The following PARL variants were observed in gnomAD, a reference collection of about 807,000 sequenced individuals.
PARL encodes the protein presenilin-associated rhomboid-like protein, mitochondrial.
In PARL, 44 loss-of-function variants were observed where a neutral mutation model predicts 51.6. That is an observed-to-expected ratio of 0.85 (90% CI 0.67 to 1.10). The LOEUF is 1.10. Among genes scored for constraint, PARL ranks in the 50% least tolerant of loss-of-function variants. PARL has a pLI of 0.00. For missense variants in PARL, 441 were observed against 469.5 expected (o/e 0.94, Z 0.56); for synonymous variants, 172 against 164.0 (o/e 1.05, Z -0.37).
intron 1 of PARL, among the ~76,000 whole-genome samples, chr3:183,881,632 C>T (rs921533355): frequency 6.6e-6 from 1 of 152,170 alleles, no homozygotes; most frequent in Admixed American, 6.5e-5. Flanking sequence ...GTAGTGTGTA[C>T]CTGTAGTCCT....
chr3:183,884,582 G>A (rs1340287823), intron 1 of PARL, 140 bp downstream of exon 1: 8 of 803,086 alleles, frequency 1.0e-5, no homozygotes, highest in East Asian at 5.4e-5. Context: ...GGAGGCGAGA[G>A]AGGAGAGAGA....
At chr3:183,866,124 C>T (rs1199281935) in intron 3 of PARL, among the ~76,000 whole-genome samples, 1 of 152,124 alleles carries the variant, frequency 6.6e-6, no homozygotes, top group African/African-American at 2.4e-5. Flanking sequence ...CTTGGCCTCC[C>T]AAAGTGCTAG....
At chr3:183,874,698 C>G (rs1350258158) in intron 1 of PARL, among the ~76,000 whole-genome samples, 2 of 152,134 alleles carry the variant, frequency 1.3e-5, no homozygotes, top group Non-Finnish European at 2.9e-5. Context: ...AATAATTAAG[C>G]TTAGTGAAGA....
At chr3:183,883,666 G>A (rs1734806077) in intron 1 of PARL, 1 of 985,058 alleles carries the variant, frequency 1.0e-6, no homozygotes, top group African/African-American at 1.7e-5. Flanking sequence ...AGGAGTTTAA[G>A]ATTAGTGCCT....
rs752610316 is a variant in PARL, at chr3:183,866,738, C to T, written c.349G>A (p.Ala117Thr). The change falls in exon 3 of 10, where the codon GCT (alanine) becomes ACT (threonine). Residue 117 changes from alanine (A) to threonine (T), a missense_variant. By Grantham distance (58) the Ala-to-Thr change is moderately conservative. Transcript: ENST00000317096. Reference protein sequence around the residue: ...GFTGCAFGSAAIWQYESLKSR... With the variant: ...GFTGCAFGSATIWQYESLKSR... Reference sequence around the variant, plus strand: ...TTCAGTGATTCATATTGCCAAATAGCAGCTGATCCAAATGCACAGCCTGTA... The same window carrying T: ...TTCAGTGATTCATATTGCCAAATAGTAGCTGATCCAAATGCACAGCCTGTA... 1.2e-6 allele frequency: 2 copies of T among 1,607,668 alleles called. No individual in the cohort carries two copies. The highest frequency in any genetic ancestry group is 2.7e-5 in the African/African-American group (2 of 74,740).
chr3:183,882,234 TA>T (rs1178792069), intron 1 of PARL, among the ~76,000 whole-genome samples: 5 of 21,076 alleles, frequency 2.4e-4, no homozygotes, highest in African/African-American at 8.9e-4. Flanking sequence ...TATATATATA[TA>T]TATATATATT....
At position 183,875,415 on chromosome 3, in the gene PARL, CAAAAAA is replaced by C. The variant is rs61316689; in HGVS notation, c.126-7361_126-7356del. On this transcript the variant is annotated intron_variant, in intron 1 of 9. Coordinates refer to ENST00000317096, the MANE Select transcript of PARL (RefSeq NM_018622.7). ...GGGCGACAGAGCAAGACTCTGTCTCCAAAAAAAAAAAAAAAAAAAAAAATAGAGTAA... is the reference window on the plus strand; with the variant it reads ...GGGCGACAGAGCAAGACTCTGTCTCCAAAAAAAAAAAAAAAAATAGAGTAA... 9.0e-4 allele frequency among the ~76,000 whole-genome samples: 54 copies of C among 60,138 alleles called. 1 individual carries two copies. In the South Asian group the frequency reaches 0.017, roughly 19 times the overall value. 39.5% of individuals were successfully genotyped at this position (60,138 alleles called of 152,430 possible). A position where few individuals can be genotyped will look rare whatever the true frequency, so the allele number is the denominator to read the frequency against.
intron 1 of PARL, among the ~76,000 whole-genome samples, chr3:183,874,478 G>A (rs903082943): frequency 6.0e-5 from 9 of 148,816 alleles, no homozygotes; most frequent in African/African-American, 2.0e-4. Flanking sequence ...GCGCGATCTC[G>A]ACTCACTGCA....
At chr3:183,870,443 G>C (rs1363660845) in intron 1 of PARL, among the ~76,000 whole-genome samples, 2 of 151,686 alleles carry the variant, frequency 1.3e-5, no homozygotes, top group African/African-American at 4.9e-5. Context: ...TTAACCTGTT[G>C]CATGTTCTTC....
intron 4 of PARL, among the ~76,000 whole-genome samples, chr3:183,851,823 A>T (rs1322116602): frequency 6.6e-6 from 1 of 152,224 alleles, no homozygotes; most frequent in Non-Finnish European, 1.5e-5. Flanking sequence ...CAAAATGGAA[A>T]TCAAAACTAT....
intron 4 of PARL, among the ~76,000 whole-genome samples, chr3:183,862,278 C>A (rs1731925680): frequency 6.6e-6 from 1 of 152,176 alleles, no homozygotes; most frequent in Non-Finnish European, 1.5e-5. Context: ...AATGGACAGA[C>A]TTGGGTTTTG....
chr3:183,858,552 T>G (rs1473551820), intron 4 of PARL, among the ~76,000 whole-genome samples: 1 of 151,524 alleles, frequency 6.6e-6, no homozygotes, highest in African/African-American at 2.5e-5. Context: ...ATTTAGCTGA[T>G]TTTTTCCTGT....
intron 7 of PARL, among the ~76,000 whole-genome samples, chr3:183,834,027 A>G (rs976221779): frequency 6.6e-6 from 1 of 152,232 alleles, no homozygotes; most frequent in East Asian, 1.9e-4. Flanking sequence ...AATCGCTTGG[A>G]AAGACTGAAT....
At chr3:183,882,255 A>T (rs866923573) in intron 1 of PARL, among the ~76,000 whole-genome samples, 4 of 55,210 alleles carry the variant, frequency 7.2e-5, no homozygotes, top group East Asian at 1.0e-3. Context: ...TTATATATAT[A>T]TATATATATA....
At chr3:183,862,070 T>C (rs1027740423) in intron 4 of PARL, among the ~76,000 whole-genome samples, 1 of 152,196 alleles carries the variant, frequency 6.6e-6, no homozygotes, top group African/African-American at 2.4e-5. Flanking sequence ...CCACTCTTCC[T>C]GGCAAAAATC....
rs1222330580 is a variant in PARL at position 183,882,282 on chromosome 3, T to TAC, written c.125+2438_125+2439dup. 1.5e-3 allele frequency among the ~76,000 whole-genome samples: 136 copies of TAC among 89,660 alleles called. 1 individual carries two copies. Among genetic ancestry groups the TAC allele is most frequent in the African/African-American group, 4.7e-3 (120 of 25,548 alleles). The allele number at this position is 89,660 out of a possible 152,430, so 58.8% of individuals were successfully genotyped here. On this transcript the variant is annotated intron_variant, in intron 1 of 9. Transcript: ENST00000317096. Reference sequence around the variant, plus strand: ...ATATATATATATTTATATATATATATACACACACACATATATATACACACA... The same window carrying TAC: ...ATATATATATATTTATATATATATATACACACACACACATATATATACACACA...
chr3:183,844,394 C>T lies in PARL; in HGVS notation c.512-68G>A, dbSNP rs368933386. ...AGCAGGAAAGTCTGATCTACATTAC[C>T]CCCTTGTAAGATTCTTCCACAATTA... On this transcript the variant is annotated intron_variant, in intron 4 of 9. Transcript: ENST00000317096. 5.1e-6 allele frequency: 5 copies of T among 974,084 alleles called. No homozygotes were observed. The South Asian group carries it at 5.3e-5, about 10-fold the overall frequency. 60.3% of individuals were successfully genotyped at this position (974,084 alleles called of 1,614,324 possible).
At chr3:183,834,584 G>C (rs541244531) in intron 7 of PARL, among the ~76,000 whole-genome samples, 60 of 152,212 alleles carry the variant, frequency 3.9e-4, no homozygotes, top group African/African-American at 1.4e-3. Context: ...GTAGAGGAGG[G>C]GCAGGAAGGA....
chr3:183,881,744 C>A (rs1318219393), intron 1 of PARL, among the ~76,000 whole-genome samples: 1 of 152,078 alleles, frequency 6.6e-6, no homozygotes, highest in Non-Finnish European at 1.5e-5. Flanking sequence ...GGTGACAGAA[C>A]AACTCGCCTC....
Sources: gnomAD v4.1 joint callset for allele counts (sites outside exome capture counted in the v4.1 genomes callset) on GRCh38, gnomAD v4.1.1 for gene constraint, MANE v1.5 for transcripts, NCBI Gene and HGNC (gene_info 2026-07-23, HGNC 2026-07-21) for gene names.